ZC3H13: variants seen among roughly 807,000 people sequenced by gnomAD.
ZC3H13 encodes zinc finger CCCH domain-containing protein 13.
In ZC3H13, 64 loss-of-function variants were observed where a neutral mutation model predicts 204.1. That is an observed-to-expected ratio of 0.31 (90% CI 0.26 to 0.39). The LOEUF is 0.39. Ranked by LOEUF, ZC3H13 falls within the 10% of genes least tolerant of loss-of-function variation. The pLI is 1.00. For missense variants in ZC3H13, 1,833 were observed against 2,082.7 expected, an observed-to-expected ratio of 0.88 and a Z score of 2.33; for synonymous variants, 667 against 693.7, an observed-to-expected ratio of 0.96 and a Z score of 0.60.
In ZC3H13 at chr13:45,963,040, AT is replaced by A. The variant is rs1011805970; in HGVS notation, c.4675+801del. 5 of 985,448 alleles carry A rather than the reference AT, an allele frequency of 5.1e-6. No individual in the cohort carries two copies. In the East Asian group the frequency reaches 5.7e-4, roughly 112 times the overall value. 61.0% of individuals were successfully genotyped at this position (985,448 alleles called of 1,614,324 possible). A position where few individuals can be genotyped will look rare whatever the true frequency, so the allele number is the denominator to read the frequency against. ...GGATATTTTCAAAGTAGCAGTTAAT[AT>A]TTATTGGGTATTACTATATGCCAGG... On this transcript the variant is annotated intron_variant, in intron 17 of 18. Coordinates refer to ENST00000679008, the MANE Select transcript of ZC3H13 (RefSeq NM_001330564.2).
At position 45,988,955 on chromosome 13, in the gene ZC3H13, G is replaced by A. The variant is rs143955570; in HGVS notation, c.1087C>T (p.Leu363=). ...GCAGAGCGTCGTAAAGGTGGAGTTA[G>A]TGTCCGCTGATAAGATGGTGAAGGA... The part of the protein sequence containing the change: ...RTPSPSYQRT[L]TPPLRRSASP... Residue 363 remains leucine, a synonymous_variant, in exon 9 of 19, where the codon CTA becomes TTA. Coordinates refer to ENST00000679008, the MANE Select transcript of ZC3H13 (RefSeq NM_001330564.2). 1 of 1,614,120 alleles carries A rather than the reference G, an allele frequency of 6.2e-7. No individual in the cohort carries two copies. Among genetic ancestry groups the A allele is most frequent in the Non-Finnish European group, 8.5e-7 (1 of 1,180,008 alleles).
intron 4 of ZC3H13, among the ~76,000 whole-genome samples, chr13:46,041,915 A>G (rs1332006302): frequency 6.6e-6 from 1 of 152,122 alleles, no homozygotes; most frequent in Non-Finnish European, 1.5e-5. Context: ...AGGGATCCCT[A>G]CACAAAATCC....
intron 17 of ZC3H13, chr13:45,963,322 T>C: frequency 1.0e-6 from 1 of 986,462 alleles, no homozygotes; most frequent in Non-Finnish European, 1.2e-6. Flanking sequence ...AATACCCAAT[T>C]TCTTTAGACA....
chr13:46,048,106 A>C (rs187597832), intron 1 of ZC3H13, among the ~76,000 whole-genome samples: 1 of 152,200 alleles, frequency 6.6e-6, no homozygotes, highest in African/African-American at 2.4e-5. Flanking sequence ...TATTATACTT[A>C]AAACATTGGT....
At position 45,969,264 on chromosome 13, in the gene ZC3H13, G is replaced by C; in HGVS notation, c.3280C>G (p.Pro1094Ala). 6.2e-7 allele frequency: 1 copy of C among 1,613,922 alleles called. No individual in the cohort carries two copies. Among genetic ancestry groups the C allele is most frequent in the Non-Finnish European group, 8.5e-7 (1 of 1,180,006 alleles). ...TATATTPGST[P>A]SPLSSLLPPP... The stretch of plus-strand genomic sequence containing the variant: ...GGAAGAAGAGAAGATAGAGGAGAAG[G>C]GGTACTACCAGGAGTCGTGGCGGTG... Residue 1094 changes from proline to alanine, a missense_variant, in exon 14 of 19, where the codon CCT becomes GCT. Physicochemically the swap from Pro to Ala is conservative, Grantham distance 27. Coordinates refer to ENST00000679008, the MANE Select transcript of ZC3H13 (RefSeq NM_001330564.2).
At chr13:46,034,832 T>C (rs1389743059) in intron 4 of ZC3H13, among the ~76,000 whole-genome samples, 3 of 152,044 alleles carry the variant, frequency 2.0e-5, no homozygotes, top group East Asian at 1.9e-4. Flanking sequence ...AAAATACTAA[T>C]AGTGGGAATG....
At chr13:45,998,087 A>G (rs186364356) in intron 8 of ZC3H13, among the ~76,000 whole-genome samples, 1 of 152,348 alleles carries the variant, frequency 6.6e-6, no homozygotes, top group Admixed American at 6.5e-5. Context: ...TATGACATTT[A>G]AAGTATTTTT....
intron 8 of ZC3H13, among the ~76,000 whole-genome samples, chr13:45,999,367 A>G (rs1265650292): frequency 2.0e-5 from 3 of 152,324 alleles, no homozygotes; most frequent in Non-Finnish European, 4.4e-5. Flanking sequence ...CTTTGTCAAC[A>G]AAGTTTATGT....
chr13:46,019,268 AAAG>A (rs2042086799), intron 5 of ZC3H13, among the ~76,000 whole-genome samples: 1 of 152,156 alleles, frequency 6.6e-6, no homozygotes, highest in African/African-American at 2.4e-5. Context: ...TCTCTGTCAT[AAAG>A]ACTCGACTTG....
Position 45,975,559 on chromosome 13 carries a change from C to G in ZC3H13, c.2192G>C (p.Arg731Pro). 6.3e-7 allele frequency: 1 copy of G among 1,583,096 alleles called. No individual in the cohort carries two copies. The highest frequency in any genetic ancestry group is 2.4e-5 in the East Asian group (1 of 42,384). Residue 731 changes from arginine to proline, a missense_variant, in exon 12 of 19, where the codon CGA becomes CCA. By Grantham distance (103) the Arg-to-Pro change is moderately radical. Coordinates refer to ENST00000679008, the MANE Select transcript of ZC3H13 (RefSeq NM_001330564.2). ...KERDRERDRD[R>P]DHDRERERER... ...TCTTTCCCGCTCTCGATCGTGGTCT[C>G]GGTCTCTATCCCTTTCACGATCTCT...
intron 4 of ZC3H13, among the ~76,000 whole-genome samples, chr13:46,023,477 T>C (rs903000331): frequency 6.6e-6 from 1 of 152,108 alleles, no homozygotes; most frequent in African/African-American, 2.4e-5. Flanking sequence ...TCTGTCATCT[T>C]CTCTGGGCAT....
At chr13:46,001,093 T>C (rs1324589898) in intron 8 of ZC3H13, 1 of 152,156 alleles carries the variant, frequency 6.6e-6, no homozygotes, top group Non-Finnish European at 1.5e-5. Context: ...CAGTCCATCG[T>C]AACAGATACA....
Position 45,975,505 on chromosome 13 carries a change from C to T in ZC3H13, c.2246G>A (p.Arg749Gln), listed in dbSNP as rs1185661645. 6.2e-6 allele frequency: 10 copies of T among 1,611,572 alleles called. No individual in the cohort carries two copies. The highest frequency in any genetic ancestry group is 2.2e-5 in the South Asian group (2 of 90,920). ...RERERDREKE[R>Q]EREREERERE... The stretch of plus-strand genomic sequence containing the variant: ...CTCTCTCTCTTCTCTTTCTCGTTCC[C>T]GTTCTTTTTCCCTGTCTCGTTCCCT... The change falls in exon 12 of 19, where the codon CGG becomes CAG. Residue 749 changes from arginine to glutamine, a missense_variant. Physicochemically the swap from Arg to Gln is conservative, Grantham distance 43. Transcript: ENST00000679008.
intron 11 of ZC3H13, among the ~76,000 whole-genome samples, chr13:45,976,915 T>G (rs776182668): frequency 5.9e-5 from 9 of 152,200 alleles, no homozygotes; most frequent in Non-Finnish European, 1.0e-4. Context: ...TAGGAAGGGT[T>G]CAATACAGTA....
intron 7 of ZC3H13, among the ~76,000 whole-genome samples, chr13:46,007,048 T>C (rs1004306743): frequency 2.0e-5 from 3 of 152,042 alleles, no homozygotes; most frequent in African/African-American, 4.8e-5. Flanking sequence ...GGATCAATAA[T>C]TAGCATCTGT....
At chr13:46,043,341 G>A (rs984338801) in intron 3 of ZC3H13, among the ~76,000 whole-genome samples, 1 of 151,890 alleles carries the variant, frequency 6.6e-6, no homozygotes, top group Non-Finnish European at 1.5e-5. Context: ...ACATGCACAT[G>A]TAATAGATTT....
At chr13:46,027,877 A>G (rs1185462642) in intron 4 of ZC3H13, among the ~76,000 whole-genome samples, 1 of 152,244 alleles carries the variant, frequency 6.6e-6, no homozygotes, top group Non-Finnish European at 1.5e-5. Context: ...ACAAATTTTA[A>G]ACCAAAAAAG....
chr13:45,961,963 T>C (rs955856585), intron 17 of ZC3H13, among the ~76,000 whole-genome samples: 1 of 152,228 alleles, frequency 6.6e-6, no homozygotes, highest in Admixed American at 6.5e-5. Flanking sequence ...AGTACACTTA[T>C]AAATTTTCTG....
In ZC3H13 at chr13:45,985,470, T is replaced by C; in HGVS notation, c.1547A>G (p.His516Arg). 6.2e-7 allele frequency: 1 copy of C among 1,614,232 alleles called. No individual in the cohort carries two copies. The highest frequency in any genetic ancestry group is 8.5e-7 in the Non-Finnish European group (1 of 1,180,040). Reference protein sequence around the residue: ...DYRDREGRDTHRKEDTYPEES... With the variant: ...DYRDREGRDTRRKEDTYPEES... ...TTCTGGATATGTATCCTCCTTTCGA[T>C]GAGTATCTCGACCTTCACGGTCCCT... The change falls in exon 10 of 19, where the codon CAT (histidine) becomes CGT (arginine). Residue 516 changes from histidine (H) to arginine (R), a missense_variant. By Grantham distance (29) the His-to-Arg change is conservative. Around this residue, in one of 5 missense-constraint regions of ZC3H13, gnomAD observed 1,574 missense variants for 1,757.2 expected, o/e 0.90. Coordinates refer to ENST00000679008, the MANE Select transcript of ZC3H13 (RefSeq NM_001330564.2).
Sources: gnomAD v4.1 joint callset for allele counts (sites outside exome capture counted in the v4.1 genomes callset) on GRCh38, gnomAD v4.1.1 for gene constraint, gnomAD v4.1.1 regional missense constraint, MANE v1.5 for transcripts, NCBI Gene and HGNC (gene_info 2026-07-23, HGNC 2026-07-21) for gene names.